The following RAD51B variants were observed in gnomAD, a reference collection of about 807,000 sequenced individuals.
RAD51B encodes the protein RAD51 paralog B, also known as DNA repair protein RAD51 homolog 2.
RAD51B carries 38 observed loss-of-function variants against 42.2 expected under a neutral mutation model. That is an observed-to-expected ratio of 0.90 (90% CI 0.70 to 1.18). The LOEUF (loss-of-function observed/expected upper bound fraction) is 1.18, where lower values mean the gene tolerates loss of function less well. Among genes scored for constraint, RAD51B ranks in the 50% most tolerant of loss-of-function variants. RAD51B has a pLI of 0.00. For missense variants in RAD51B, 373 were observed against 400.7 expected, an observed-to-expected ratio of 0.93 and a Z score of 0.59; for synonymous variants, 154 against 145.2, an observed-to-expected ratio of 1.06 and a Z score of -0.43.
At chr14:67,960,642 C>T (rs1283354229) in intron 7 of RAD51B, among the ~76,000 whole-genome samples, 1 of 152,050 alleles carries the variant, frequency 6.6e-6, no homozygotes, top group Non-Finnish European at 1.5e-5. Flanking sequence ...TAACAATTTG[C>T]CACACTCAGA....
chr14:67,896,379 CTG>C (rs2140080548), intron 7 of RAD51B, among the ~76,000 whole-genome samples: 1 of 152,312 alleles, frequency 6.6e-6, no homozygotes, highest in African/African-American at 2.4e-5. Context: ...TTTGACAGCT[CTG>C]TACCTTTAAT....
At chr14:67,871,530 C>G (rs1426773144) in intron 5 of RAD51B, among the ~76,000 whole-genome samples, 4 of 152,288 alleles carry the variant, frequency 2.6e-5, no homozygotes, top group Non-Finnish European at 5.9e-5. Flanking sequence ...TGGTACCATT[C>G]CTTCTGAAAC....
intron 10 of RAD51B, among the ~76,000 whole-genome samples, chr14:68,556,033 A>G (rs548200315): frequency 3.4e-4 from 52 of 152,414 alleles, no homozygotes; most frequent in Middle Eastern, 3.4e-3. Flanking sequence ...GAAGAAGGGA[A>G]TCGGCACAGT....
intron 7 of RAD51B, among the ~76,000 whole-genome samples, chr14:68,185,439 A>G (rs1286610654): frequency 3.3e-5 from 5 of 152,236 alleles, no homozygotes; most frequent in African/African-American, 1.2e-4. Context: ...TCGCAAAGAC[A>G]ATAACTAAAG....
rs144684624 is a variant in RAD51B at position 68,641,066 on chromosome 14, A to G, written c.1037-9715A>G. Reference sequence around the variant, plus strand: ...ACTGATTATGGTCATATTTGAACTCATCTTTTAATGAGTTCACCTTGGTTG... The same window carrying G: ...ACTGATTATGGTCATATTTGAACTCGTCTTTTAATGAGTTCACCTTGGTTG... On this transcript the variant is annotated intron_variant, in intron 10 of 11. Transcript: ENST00000488612. 1.5e-3 allele frequency among the ~76,000 whole-genome samples: 229 copies of G among 152,342 alleles called. 1 individual carries two copies. Among genetic ancestry groups the G allele is most frequent in the African/African-American group, 5.2e-3 (215 of 41,574 alleles).
At chr14:68,614,338 A>G (rs1891781625), downstream of RAD51B, among the ~76,000 whole-genome samples, 1 of 152,250 alleles carries the variant, frequency 6.6e-6, no homozygotes, top group South Asian at 2.1e-4. Context: ...CATTTATACC[A>G]AATACTTATT....
At chr14:68,674,177 T>C (rs1407940246) in intron 11 of RAD51B, among the ~76,000 whole-genome samples, 1 of 67,184 alleles carries the variant, frequency 1.5e-5, no homozygotes, top group Non-Finnish European at 2.8e-5. Flanking sequence ...ACATACTGTA[T>C]ACACATATAC....
chr14:67,877,648 C>A (rs2042769178), intron 5 of RAD51B, among the ~76,000 whole-genome samples: 1 of 151,986 alleles, frequency 6.6e-6, no homozygotes, highest in African/African-American at 2.4e-5. Context: ...TTTGTAGTGT[C>A]CTTTATTGAA....
intron 7 of RAD51B, among the ~76,000 whole-genome samples, chr14:68,045,236 C>CAAAAA (rs537073885): frequency 0.037 from 767 of 20,640 alleles, 5 homozygotes; most frequent in Non-Finnish European, 0.042. Context: ...AACTCTGTCT[C>CAAAAA]AAAAAAAAAA....
chr14:68,054,968 G>A (rs1421358597), intron 7 of RAD51B, among the ~76,000 whole-genome samples: 1 of 152,084 alleles, frequency 6.6e-6, no homozygotes, highest in East Asian at 1.9e-4. Flanking sequence ...TTGCTTGCTT[G>A]GTGTGTGGGG....
intron 9 of RAD51B, among the ~76,000 whole-genome samples, chr14:68,456,668 T>C (rs2085694631): frequency 6.6e-6 from 1 of 152,000 alleles, no homozygotes; most frequent in South Asian, 2.1e-4. Context: ...CAATAATGGA[T>C]AGGACAACTG....
chr14:68,446,002 G>A (rs1004055933), intron 9 of RAD51B, among the ~76,000 whole-genome samples: 1 of 152,176 alleles, frequency 6.6e-6, no homozygotes, highest in Non-Finnish European at 1.5e-5. Context: ...ATGGTTTGAC[G>A]TCTAAATTAT....
intron 7 of RAD51B, among the ~76,000 whole-genome samples, chr14:68,095,167 A>G (rs879903811): frequency 6.6e-6 from 1 of 152,232 alleles, no homozygotes; most frequent in Non-Finnish European, 1.5e-5. Flanking sequence ...TACAGAAGCA[A>G]TATGTGAGTG....
intron 7 of RAD51B, among the ~76,000 whole-genome samples, chr14:68,188,438 C>A (rs1187555270): frequency 6.8e-6 from 1 of 147,620 alleles, no homozygotes; most frequent in Non-Finnish European, 1.5e-5. Context: ...CCTCTTCTTT[C>A]TTCTTCTTTT....
chr14:68,272,107 A>G (rs1056838863), intron 7 of RAD51B, among the ~76,000 whole-genome samples: 1 of 152,272 alleles, frequency 6.6e-6, no homozygotes, highest in Non-Finnish European at 1.5e-5. Flanking sequence ...GCAGTTGCAC[A>G]GAGGCATTTC....
chr14:68,011,623 C>A (rs1278999320), intron 7 of RAD51B, among the ~76,000 whole-genome samples: 2 of 151,984 alleles, frequency 1.3e-5, no homozygotes, highest in Non-Finnish European at 2.9e-5. Context: ...GATTATGATT[C>A]TTTTTGACAG....
intron 9 of RAD51B, among the ~76,000 whole-genome samples, chr14:68,461,992 A>G (rs1226981672): frequency 6.6e-6 from 1 of 152,250 alleles, no homozygotes; most frequent in Admixed American, 6.5e-5. Flanking sequence ...CCATCATTCT[A>G]GGAGCCCTCA....
At chr14:68,428,399 TC>T (rs2084905327) in intron 9 of RAD51B, among the ~76,000 whole-genome samples, 1 of 152,108 alleles carries the variant, frequency 6.6e-6, no homozygotes, top group South Asian at 2.1e-4. Flanking sequence ...ATGAGATCTA[TC>T]CTTTTGACAA....
intron 7 of RAD51B, among the ~76,000 whole-genome samples, chr14:68,226,564 C>G (rs922980093): frequency 1.3e-5 from 2 of 152,154 alleles, no homozygotes; most frequent in Non-Finnish European, 2.9e-5. Flanking sequence ...AGGGGAGTTC[C>G]CCTACATAAG....
Sources: allele counts gnomAD v4.1 joint callset (sites outside exome capture counted in the v4.1 genomes callset), GRCh38; gene constraint gnomAD v4.1.1; transcripts MANE v1.5; gene names NCBI Gene and HGNC (gene_info 2026-07-23, HGNC 2026-07-21).